PARD3B: variants seen among roughly 807,000 people sequenced by gnomAD.
The protein encoded by PARD3B is par-3 family cell polarity regulator beta, also known as partitioning defective 3 homolog B.
Under a neutral mutation model 130.2 loss-of-function variants are expected in PARD3B, and 103 were observed. The ratio of observed to expected loss-of-function variants is 0.79; its 90% confidence interval spans 0.67 to 0.93. The LOEUF (loss-of-function observed/expected upper bound fraction) is 0.93. PARD3B is among the 40% of genes least tolerant of loss of function. The pLI, the probability that PARD3B is intolerant of heterozygous loss-of-function variation, is 0.00. For missense variants in PARD3B, 1,609 were observed against 1,499.2 expected, an observed-to-expected ratio of 1.07 and a Z score of -1.21; for synonymous variants, 583 against 553.2, an observed-to-expected ratio of 1.05 and a Z score of -0.76.
At chr2:204,789,683 C>G (rs1458494315) in intron 2 of PARD3B, among the ~76,000 whole-genome samples, 1 of 152,132 alleles carries the variant, frequency 6.6e-6, no homozygotes, top group East Asian at 1.9e-4. Context: ...AAATACCTTT[C>G]TAAATCTAGT....
chr2:205,582,920 G>A (rs1419186388), intron 22 of PARD3B, among the ~76,000 whole-genome samples: 1 of 152,186 alleles, frequency 6.6e-6, no homozygotes, highest in African/African-American at 2.4e-5. Context: ...ACCGAATTCA[G>A]GACAGCTCGG....
intron 21 of PARD3B, among the ~76,000 whole-genome samples, chr2:205,502,598 G>T (rs936556668): frequency 3.3e-5 from 5 of 152,050 alleles, no homozygotes; most frequent in Non-Finnish European, 5.9e-5. Context: ...TGAAAGGCCC[G>T]ATGAGTGTTT....
chr2:205,584,721 C>T lies in PARD3B; in HGVS notation c.3261-30735C>T, dbSNP rs1432454529. 2.0e-5 allele frequency among the ~76,000 whole-genome samples: 3 copies of T among 152,072 alleles called. No individual in the cohort carries two copies. Among genetic ancestry groups the T allele is most frequent in the East Asian group, 1.9e-4 (1 of 5,194 alleles). ...ATAAATAAATAAATGATATATGTGG[C>T]TTGCATTATTTTCTCCTGGGGCAGC... On this transcript the variant is annotated intron_variant, in intron 22 of 22. Transcript: ENST00000406610. The surrounding 1 kb of genome is among the most constrained non-coding windows in gnomAD (Gnocchi z 5.5).
In PARD3B at chr2:205,081,526, T is replaced by C. The variant is rs115008048; in HGVS notation, c.505-22900T>C. On this transcript the variant is annotated intron_variant, in intron 4 of 22. Transcript: ENST00000406610. Reference sequence around the variant, plus strand: ...TAGATTTTTGCCATTAAATATGATATTAGTTCTAAGTTTTTTAATAGATTC... The same window carrying C: ...TAGATTTTTGCCATTAAATATGATACTAGTTCTAAGTTTTTTAATAGATTC... Among the ~76,000 whole-genome samples, 227 of 152,164 alleles carry C rather than the reference T, an allele frequency of 1.5e-3. 1 individual carries two copies. The highest frequency in any genetic ancestry group is 5.3e-3 in the African/African-American group (222 of 41,566).
At chr2:204,712,927 C>G (rs1184258179) in intron 2 of PARD3B, among the ~76,000 whole-genome samples, 1 of 151,908 alleles carries the variant, frequency 6.6e-6, no homozygotes, top group Non-Finnish European at 1.5e-5. Flanking sequence ...GGTTTAGGCC[C>G]CTGTGTGTTG....
chr2:205,602,547 T>C (rs1010578268), intron 22 of PARD3B, among the ~76,000 whole-genome samples: 3 of 152,202 alleles, frequency 2.0e-5, no homozygotes, highest in Non-Finnish European at 4.4e-5. Flanking sequence ...ACTGCCTCAA[T>C]TTCAGAGCCC....
chr2:205,096,177 T>C (rs546225480), intron 4 of PARD3B, among the ~76,000 whole-genome samples: 1 of 152,230 alleles, frequency 6.6e-6, no homozygotes, highest in Admixed American at 6.5e-5. Context: ...TTTATTCAGT[T>C]GGAGTTTGCC....
intron 18 of PARD3B, among the ~76,000 whole-genome samples, chr2:205,334,019 T>C (rs2043224666): frequency 6.6e-6 from 1 of 152,166 alleles, no homozygotes. Context: ...TTTTGGAAAA[T>C]GTAGACCTCT....
chr2:204,777,639 C>A (rs1284736755), intron 2 of PARD3B, among the ~76,000 whole-genome samples: 2 of 152,020 alleles, frequency 1.3e-5, no homozygotes, highest in East Asian at 3.9e-4. Context: ...AATTGTGGTG[C>A]ATGCTTGTGG....
At chr2:204,975,514 T>C (rs1320502167) in intron 3 of PARD3B, among the ~76,000 whole-genome samples, 4 of 152,214 alleles carry the variant, frequency 2.6e-5, no homozygotes, top group Non-Finnish European at 4.4e-5. Context: ...GAGACAAGCC[T>C]TCTACCCAAA....
At chr2:205,071,036 C>T (rs1195361076) in intron 4 of PARD3B, among the ~76,000 whole-genome samples, 1 of 151,668 alleles carries the variant, frequency 6.6e-6, no homozygotes, top group Non-Finnish European at 1.5e-5. Context: ...TTTAAATGGC[C>T]AGTTTTCAAA....
chr2:205,588,013 G>A (rs1279316415), intron 22 of PARD3B, among the ~76,000 whole-genome samples: 1 of 152,214 alleles, frequency 6.6e-6, no homozygotes, highest in African/African-American at 2.4e-5. Context: ...GCACCTGCAT[G>A]CAGTGGGCAT....
Position 205,292,730 on chromosome 2 carries a change from T to C in PARD3B, c.2186-7800T>C, listed in dbSNP as rs2041653911. Among the ~76,000 whole-genome samples, 2 of 152,224 alleles carry C rather than the reference T, an allele frequency of 1.3e-5. No individual in the cohort carries two copies. The highest frequency in any genetic ancestry group is 2.9e-5 in the Non-Finnish European group (2 of 68,042). On this transcript the variant is annotated intron_variant, in intron 16 of 22. Transcript: ENST00000406610. The surrounding 1 kb of genome is among the most constrained non-coding windows in gnomAD (Gnocchi z 5.3). ...TTCTAGTTTTCTCTCATCATGAACA[T>C]ACAGTTGAATTTGGGTAAGATCAAT...
At chr2:204,752,831 G>C (rs1574895434) in intron 2 of PARD3B, among the ~76,000 whole-genome samples, 1 of 152,092 alleles carries the variant, frequency 6.6e-6, no homozygotes, top group East Asian at 1.9e-4. Context: ...TTTAGTTGTA[G>C]CATGGATTCT....
At chr2:205,324,163 C>T (rs752844994) in intron 18 of PARD3B, among the ~76,000 whole-genome samples, 2 of 152,232 alleles carry the variant, frequency 1.3e-5, no homozygotes, top group South Asian at 2.1e-4. Context: ...GGTGTTGCTA[C>T]GTCACACACT....
In PARD3B at chr2:204,726,978, A is replaced by G. The variant is rs540783400; in HGVS notation, c.222+40696A>G. On this transcript the variant is annotated intron_variant, in intron 2 of 22. Coordinates refer to ENST00000406610, the MANE Select transcript of PARD3B (RefSeq NM_001302769.2). ...ACAAGTTGCTTAAATGAGTTGTTTA[A>G]AGGAGAACATGATCCTTCCCTTCCC... Among the ~76,000 whole-genome samples the G allele has an allele frequency of 2.6e-5, 4 of 152,298 alleles. No homozygotes were observed. The South Asian group carries it at 8.3e-4, about 32-fold the overall frequency.
At chr2:205,348,211 C>A (rs971114593) in intron 18 of PARD3B, 1 of 152,204 alleles carries the variant, frequency 6.6e-6, no homozygotes, top group African/African-American at 2.4e-5. Context: ...ATTTGCATTC[C>A]TCACAGCTGA....
chr2:205,588,486 GT>G lies in PARD3B; in HGVS notation c.3261-26961del, dbSNP rs573922754. ...ATTGGAGTTTTTCCAGACAAGTAAT[GT>G]TTTTTTTTCAAGTGTGAGATTTTGT... On this transcript the variant is annotated intron_variant, in intron 22 of 22. Coordinates refer to ENST00000406610, the MANE Select transcript of PARD3B (RefSeq NM_001302769.2). Among the ~76,000 whole-genome samples, 742 of 149,804 alleles carry G rather than the reference GT, an allele frequency of 5.0e-3. 6 individuals carry two copies. Among genetic ancestry groups the G allele is most frequent in the Non-Finnish European group, 8.6e-3 (579 of 67,322 alleles).
intron 10 of PARD3B, among the ~76,000 whole-genome samples, chr2:205,148,832 CTAAT>C (rs1183183845): frequency 6.6e-6 from 1 of 152,092 alleles, no homozygotes; most frequent in East Asian, 1.9e-4. Flanking sequence ...ACAACACAGA[CTAAT>C]TACACATTTG....
Sources: gnomAD v4.1 joint callset for allele counts (sites outside exome capture counted in the v4.1 genomes callset) on GRCh38, gnomAD v4.1.1 for gene constraint, Gnocchi (gnomAD v3.1) non-coding constraint, MANE v1.5 for transcripts, NCBI Gene and HGNC (gene_info 2026-07-23, HGNC 2026-07-21) for gene names.